The following IGF1R variants were observed in gnomAD, a reference collection of about 807,000 sequenced individuals.
The protein encoded by IGF1R is insulin like growth factor 1 receptor.
In IGF1R, 44 loss-of-function variants were observed where a neutral mutation model predicts 144.6. That is an observed-to-expected ratio of 0.30 (90% CI 0.24 to 0.39). IGF1R has a LOEUF of 0.39. Among genes scored for constraint, IGF1R ranks in the 10% least tolerant of loss-of-function variants. The pLI, the probability that IGF1R is intolerant of heterozygous loss-of-function variation, is 1.00. For missense variants in IGF1R, 1,355 were observed against 1,833.7 expected (o/e 0.74, Z 4.77); for synonymous variants, 795 against 722.8 (o/e 1.10, Z -1.60).
chr15:98,687,688 G>A (rs1001734661), intron 1 of IGF1R, among the ~76,000 whole-genome samples: 2 of 152,228 alleles, frequency 1.3e-5, no homozygotes, highest in African/African-American at 4.8e-5. Context: ...CCAGGGGAGA[G>A]AGAGGTGGTG....
chr15:98,789,581 T>C (rs955825304), intron 2 of IGF1R, among the ~76,000 whole-genome samples: 1 of 152,210 alleles, frequency 6.6e-6, no homozygotes, highest in Non-Finnish European at 1.5e-5. Flanking sequence ...GAAGGTGATA[T>C]GCCATTTCTT....
intron 2 of IGF1R, among the ~76,000 whole-genome samples, chr15:98,831,266 C>G (rs1032760643): frequency 6.6e-6 from 1 of 152,254 alleles, no homozygotes; most frequent in African/African-American, 2.4e-5. Flanking sequence ...AGGATTTCAA[C>G]GTGTTCTAAA....
rs886051570 is a variant in IGF1R, at chr15:98,958,303, G to GC, written c.*866dup. 6 of 215,866 alleles carry GC rather than the reference G, an allele frequency of 2.8e-5. No homozygotes were observed. The East Asian group carries it at 3.5e-4, about 13-fold the overall frequency. 13.4% of individuals were successfully genotyped at this position (215,866 alleles called of 1,614,324 possible). ...CCGGCTTCCCTGCCCTGCCTCCCCAGCCCCCTGCCCAACCCCCAAGAATCT... is the reference window on the plus strand; with the variant it reads ...CCGGCTTCCCTGCCCTGCCTCCCCAGCCCCCCTGCCCAACCCCCAAGAATCT... On this transcript the variant is annotated 3_prime_UTR_variant, in exon 21 of 21. Transcript: ENST00000650285.
intron 2 of IGF1R, among the ~76,000 whole-genome samples, chr15:98,779,730 C>T (rs1369123749): frequency 6.6e-6 from 1 of 152,322 alleles, no homozygotes. Flanking sequence ...GACATTCCGT[C>T]TGCGGGGAGC....
At chr15:98,764,797 T>A (rs28656438) in intron 2 of IGF1R, among the ~76,000 whole-genome samples, 133 of 152,278 alleles carry the variant, frequency 8.7e-4, no homozygotes, top group African/African-American at 1.6e-3. Context: ...GTTTAAAAAA[T>A]TTTTTTATAG....
At chr15:98,752,276 T>C (rs1239899887) in intron 2 of IGF1R, among the ~76,000 whole-genome samples, 2 of 152,192 alleles carry the variant, frequency 1.3e-5, no homozygotes, top group Non-Finnish European at 2.9e-5. Context: ...TTCTATAAAA[T>C]CAGAACTGTG....
At chr15:98,676,128 C>T (rs960603398) in intron 1 of IGF1R, among the ~76,000 whole-genome samples, 1 of 151,952 alleles carries the variant, frequency 6.6e-6, no homozygotes, top group Non-Finnish European at 1.5e-5. Flanking sequence ...CTGCGCCCAG[C>T]CTAGAGACTC....
intron 1 of IGF1R, among the ~76,000 whole-genome samples, chr15:98,699,446 C>T (rs45619235): frequency 0.4 from 61,115 of 151,998 alleles, 13,792 homozygotes; most frequent in African/African-American, 0.62. Flanking sequence ...ATATGGAGAC[C>T]TAGAATATTG....
At chr15:98,649,839 C>CGGACCCG (rs1335647910) in intron 1 of IGF1R, among the ~76,000 whole-genome samples, 164 bp downstream of exon 1, 68 of 152,220 alleles carry the variant, frequency 4.5e-4, no homozygotes, top group Admixed American at 2.3e-3. Flanking sequence ...GAGGCTGCAG[C>CGGACCCG]GGACCCGGGA....
intron 9 of IGF1R, 30 bp downstream of exon 9, chr15:98,916,161 G>A (rs2151681638): frequency 6.2e-7 from 1 of 1,611,852 alleles, no homozygotes; most frequent in Non-Finnish European, 8.5e-7. Context: ...CTGGACGGAG[G>A]GTGTGACCGT....
intron 2 of IGF1R, among the ~76,000 whole-genome samples, chr15:98,865,045 G>A (rs952242281): frequency 7.9e-5 from 12 of 152,112 alleles, no homozygotes; most frequent in African/African-American, 2.7e-4. Flanking sequence ...GAAAAGAATC[G>A]TAGGCATCTC....
At chr15:98,896,699 A>G (rs909966044) in intron 3 of IGF1R, 58 bp from the exon 4 acceptor site, 3 of 1,543,940 alleles carry the variant, frequency 1.9e-6, no homozygotes, top group East Asian at 2.2e-5. Context: ...GGTTTTTTTA[A>G]TGCAAGAAGA....
intron 18 of IGF1R, among the ~76,000 whole-genome samples, chr15:98,940,596 G>C (rs1438548403): frequency 6.6e-6 from 1 of 151,976 alleles, no homozygotes; most frequent in African/African-American, 2.4e-5. Flanking sequence ...GTAGAAACAG[G>C]TTTTCATCAT....
In IGF1R at chr15:98,912,470, C is replaced by T. The variant is rs141127202; in HGVS notation, c.1590-574C>T. On this transcript the variant is annotated intron_variant, in intron 7 of 20. Coordinates refer to ENST00000650285, the MANE Select transcript of IGF1R (RefSeq NM_000875.5). Reference sequence around the variant, plus strand: ...ATACCTACCCAACCATGCATCTGTGCGAAGTACTATATTCTCTGATAGTCA... The same window carrying T: ...ATACCTACCCAACCATGCATCTGTGTGAAGTACTATATTCTCTGATAGTCA... Among the ~76,000 whole-genome samples, 16 of 152,312 alleles carry T rather than the reference C, an allele frequency of 1.1e-4. 1 individual carries two copies. The highest frequency in any genetic ancestry group is 6.2e-4 in the South Asian group (3 of 4,826).
At position 98,891,259 on chromosome 15, in the gene IGF1R, C is replaced by G; in HGVS notation, c.641-66C>G. ...AGTGAATGACCCAGAAGGATGCTGG[C>G]CAGGCCCAGAGAAGGCGGTGCCTCC... On this transcript the variant is annotated intron_variant, in intron 2 of 20. Coordinates refer to ENST00000650285, the MANE Select transcript of IGF1R (RefSeq NM_000875.5). This position sits in a 1 kb window ranked among gnomAD's most constrained non-coding sequence, Gnocchi z 4.7. The G allele has an allele frequency of 6.7e-7, 1 of 1,482,158 alleles. No homozygotes were observed. The highest frequency in any genetic ancestry group is 2.3e-5 in the East Asian group (1 of 43,032). 91.8% of individuals were successfully genotyped at this position (1,482,158 alleles called of 1,614,324 possible).
In IGF1R at chr15:98,736,848, G is replaced by A. The variant is rs150224486; in HGVS notation, c.640+28741G>A. Among the ~76,000 whole-genome samples, 567 of 152,140 alleles carry A rather than the reference G, an allele frequency of 3.7e-3. 4 individuals carry two copies. Among genetic ancestry groups the A allele is most frequent in the African/African-American group, 0.013 (546 of 41,504 alleles). On this transcript the variant is annotated intron_variant, in intron 2 of 20. Coordinates refer to ENST00000650285, the MANE Select transcript of IGF1R (RefSeq NM_000875.5). ...GCTGGTCTTGAACTCTTAAGCTCAG[G>A]CAATCCGCCTATCTCGGGCTCCCAA... is the stretch of plus-strand genomic sequence containing the variant.
intron 1 of IGF1R, among the ~76,000 whole-genome samples, chr15:98,651,755 C>T (rs1375275510): frequency 1.3e-5 from 2 of 152,174 alleles, no homozygotes; most frequent in African/African-American, 4.8e-5. Context: ...CCAAAGCTTC[C>T]CCCCAGGATC....
At chr15:98,830,605 C>CTTTT (rs60426791) in intron 2 of IGF1R, among the ~76,000 whole-genome samples, 1,422 of 135,910 alleles carry the variant, frequency 0.01, 48 homozygotes, top group African/African-American at 0.039. Flanking sequence ...TGATCATCAT[C>CTTTT]TTTTTTTTTT....
intron 17 of IGF1R, among the ~76,000 whole-genome samples, chr15:98,937,600 C>G (rs1237634989): frequency 6.6e-6 from 1 of 152,188 alleles, no homozygotes; most frequent in African/African-American, 2.4e-5. Flanking sequence ...CTCCCCCGAC[C>G]AAGTTTCACT....
Sources: gnomAD v4.1 joint callset for allele counts (sites outside exome capture counted in the v4.1 genomes callset) on GRCh38, gnomAD v4.1.1 for gene constraint, Gnocchi (gnomAD v3.1) non-coding constraint, MANE v1.5 for transcripts, NCBI Gene and HGNC (gene_info 2026-07-23, HGNC 2026-07-21) for gene names.